EPHA6: variants seen among roughly 807,000 people sequenced by gnomAD.
EPHA6 encodes EPH receptor A6.
EPHA6 carries 50 observed loss-of-function variants against 112.0 expected under a neutral mutation model. That is an observed-to-expected ratio of 0.45 (90% confidence interval 0.36 to 0.56). The LOEUF is 0.56. Ranked by LOEUF, EPHA6 falls within the 20% of genes least tolerant of loss-of-function variation. EPHA6 has a pLI of 0.00. For missense variants in EPHA6, 1,280 were observed against 1,417.4 expected, an observed-to-expected ratio of 0.90 and a Z score of 1.56; for synonymous variants, 529 against 490.7, an observed-to-expected ratio of 1.08 and a Z score of -1.03.
chr3:97,679,162 T>A (rs2031651927), intron 14 of EPHA6, among the ~76,000 whole-genome samples: 1 of 152,172 alleles, frequency 6.6e-6, no homozygotes, highest in Non-Finnish European at 1.5e-5. Flanking sequence ...GCTCTTTAGA[T>A]GAATTTTTGA....
chr3:97,179,179 G>A (rs1406799690), intron 3 of EPHA6, among the ~76,000 whole-genome samples: 1 of 151,794 alleles, frequency 6.6e-6, no homozygotes, highest in South Asian at 2.1e-4. Context: ...ACATTCTTCA[G>A]TATACCAATT....
At chr3:97,602,525 T>C (rs1428996221) in intron 12 of EPHA6, among the ~76,000 whole-genome samples, 1 of 152,088 alleles carries the variant, frequency 6.6e-6, no homozygotes, top group African/African-American at 2.4e-5. Flanking sequence ...ATTCAGACTC[T>C]GGAACCAGAT....
intron 7 of EPHA6, among the ~76,000 whole-genome samples, chr3:97,472,879 T>G (rs2091266483): frequency 6.6e-6 from 1 of 151,758 alleles, no homozygotes; most frequent in African/African-American, 2.4e-5. Context: ...GTACTGGCAA[T>G]TGCTTGGGCT....
chr3:97,018,038 A>G (rs941274154), intron 3 of EPHA6, among the ~76,000 whole-genome samples: 3 of 150,064 alleles, frequency 2.0e-5, no homozygotes, highest in Non-Finnish European at 3.0e-5. Flanking sequence ...CAACCTCACT[A>G]ATCCTTCTTC....
intron 3 of EPHA6, among the ~76,000 whole-genome samples, chr3:97,098,720 G>C (rs968900028): frequency 6.6e-6 from 1 of 151,808 alleles, no homozygotes; most frequent in Non-Finnish European, 1.5e-5. Flanking sequence ...AACAAAAATA[G>C]GGGTATCTGG....
At chr3:97,101,400 G>T (rs1030169828) in intron 3 of EPHA6, among the ~76,000 whole-genome samples, 2 of 151,924 alleles carry the variant, frequency 1.3e-5, no homozygotes, top group African/African-American at 4.8e-5. Flanking sequence ...TGTTGTTTGT[G>T]TGTCTGTGTG....
chr3:97,074,959 C>A (rs1016209341), intron 3 of EPHA6, among the ~76,000 whole-genome samples: 2 of 151,934 alleles, frequency 1.3e-5, no homozygotes, highest in East Asian at 1.9e-4. Context: ...TGGAAAAGTT[C>A]TCAATGGTAC....
intron 10 of EPHA6, among the ~76,000 whole-genome samples, chr3:97,510,371 G>A (rs1023639945): frequency 6.6e-6 from 1 of 152,164 alleles, no homozygotes; most frequent in Non-Finnish European, 1.5e-5. Flanking sequence ...TGGGGTTTCT[G>A]TGTGGACATC....
intron 10 of EPHA6, among the ~76,000 whole-genome samples, chr3:97,521,623 C>T (rs1031561312): frequency 2.6e-5 from 4 of 152,084 alleles, no homozygotes; most frequent in African/African-American, 9.7e-5. Context: ...CAATTACCTC[C>T]CACTGGGTCC....
At chr3:97,152,440 A>C (rs1008987079) in intron 3 of EPHA6, among the ~76,000 whole-genome samples, 1 of 149,108 alleles carries the variant, frequency 6.7e-6, no homozygotes, top group African/African-American at 2.4e-5. Context: ...TAAATAATAT[A>C]TATTAAATAT....
chr3:97,394,285 G>T (rs1441566932), intron 5 of EPHA6, among the ~76,000 whole-genome samples: 1 of 151,800 alleles, frequency 6.6e-6, no homozygotes. Flanking sequence ...ATGGATTAAA[G>T]ACATGAATGT....
At chr3:97,047,516 A>AG (rs1228401128) in intron 3 of EPHA6, among the ~76,000 whole-genome samples, 1 of 150,566 alleles carries the variant, frequency 6.6e-6, no homozygotes, top group African/African-American at 2.4e-5. Context: ...AAAAAAAAAA[A>AG]AAAAAGAAAC....
chr3:97,213,619 G>T (rs1431691628), intron 3 of EPHA6, among the ~76,000 whole-genome samples: 1 of 152,122 alleles, frequency 6.6e-6, no homozygotes, highest in Non-Finnish European at 1.5e-5. Flanking sequence ...GGTTGAGTGG[G>T]AATTAGAAAG....
intron 2 of EPHA6, among the ~76,000 whole-genome samples, chr3:96,875,085 T>G (rs2036865725): frequency 6.6e-6 from 1 of 152,098 alleles, no homozygotes. Flanking sequence ...TAAATTCCTT[T>G]TATCTGGGCT....
At chr3:97,280,944 C>T (rs1239097077) in intron 5 of EPHA6, among the ~76,000 whole-genome samples, 1 of 152,110 alleles carries the variant, frequency 6.6e-6, no homozygotes, top group African/African-American at 2.4e-5. Flanking sequence ...CTATATTTGG[C>T]AATTACTCCC....
chr3:97,510,723 A>T (rs1301302582), intron 10 of EPHA6, among the ~76,000 whole-genome samples: 1 of 152,166 alleles, frequency 6.6e-6, no homozygotes. Context: ...CTGTGTTAGG[A>T]GATCCACTGC....
intron 7 of EPHA6, among the ~76,000 whole-genome samples, chr3:97,469,506 A>G (rs2091160072): frequency 6.6e-6 from 1 of 151,764 alleles, no homozygotes; most frequent in Non-Finnish European, 1.5e-5. Context: ...AAATCACATA[A>G]TTGAGACTGC....
At chr3:97,692,614 C>T (rs1393984338) in intron 14 of EPHA6, among the ~76,000 whole-genome samples, 1 of 152,134 alleles carries the variant, frequency 6.6e-6, no homozygotes, top group Non-Finnish European at 1.5e-5. Flanking sequence ...TTTACAGTGC[C>T]TTGTAAAAAG....
chr3:96,953,848 G>T, intron 2 of EPHA6, among the ~76,000 whole-genome samples: 1 of 151,558 alleles, frequency 6.6e-6, no homozygotes, highest in East Asian at 1.9e-4. Flanking sequence ...TCCAGGCTTT[G>T]TCTCCTTTCC....
Sources: allele counts gnomAD v4.1 joint callset (sites outside exome capture counted in the v4.1 genomes callset), GRCh38; gene constraint gnomAD v4.1.1; transcripts MANE v1.5; gene names NCBI Gene and HGNC (gene_info 2026-07-23, HGNC 2026-07-21).